Variants in FBXO36 observed in about 807,000 individuals in gnomAD.
The protein encoded by FBXO36 is F-box only protein 36.
In FBXO36, 18 loss-of-function variants were observed where a neutral mutation model predicts 17.0. That is an observed-to-expected ratio of 1.06 (90% CI 0.73 to 1.57). The LOEUF is 1.57. FBXO36 is among the 40% of genes most tolerant of loss of function. The pLI, the probability that FBXO36 is intolerant of heterozygous loss-of-function variation, is 0.00. For missense variants in FBXO36, 229 were observed against 221.9 expected, an observed-to-expected ratio of 1.03 and a Z score of -0.20; for synonymous variants, 83 against 85.3, an observed-to-expected ratio of 0.97 and a Z score of 0.15.
intron 3 of FBXO36, among the ~76,000 whole-genome samples, chr2:230,009,143 CACTT>C (rs2077401832): frequency 6.6e-6 from 1 of 152,130 alleles, no homozygotes; most frequent in South Asian, 2.1e-4. Flanking sequence ...GTAGAGGTCA[CACTT>C]ACACATTTCT....
intron 1 of FBXO36, among the ~76,000 whole-genome samples, chr2:229,948,781 G>A (rs2077040224): frequency 6.6e-6 from 1 of 152,154 alleles, no homozygotes; most frequent in Admixed American, 6.5e-5. Context: ...AAATGGAAAG[G>A]GGCCTGGTTC....
At chr2:229,924,442 G>A (rs2076893305) in intron 1 of FBXO36, among the ~76,000 whole-genome samples, 1 of 152,106 alleles carries the variant, frequency 6.6e-6, no homozygotes, top group Non-Finnish European at 1.5e-5. Context: ...AACATGAGTG[G>A]TCAAAAATAT....
intron 1 of FBXO36, among the ~76,000 whole-genome samples, 181 bp downstream of exon 1, chr2:229,922,790 C>A (rs762786478): frequency 1.3e-5 from 2 of 152,220 alleles, no homozygotes; most frequent in African/African-American, 4.8e-5. Flanking sequence ...CCCGCGTGTC[C>A]CTGCTCTCCC....
chr2:229,972,359 T>C (rs181459670), intron 1 of FBXO36, among the ~76,000 whole-genome samples: 1 of 152,304 alleles, frequency 6.6e-6, no homozygotes, highest in Non-Finnish European at 1.5e-5. Context: ...CAGGTCCGAC[T>C]GAAAGCTGAA....
intron 1 of FBXO36, among the ~76,000 whole-genome samples, chr2:229,968,208 T>C (rs981988062): frequency 1.3e-5 from 2 of 151,452 alleles, no homozygotes; most frequent in African/African-American, 4.8e-5. Context: ...AATATTATAA[T>C]ATTCAATTAA....
intron 1 of FBXO36, among the ~76,000 whole-genome samples, chr2:229,969,823 A>T (rs1044517718): frequency 6.6e-6 from 1 of 152,230 alleles, no homozygotes; most frequent in African/African-American, 2.4e-5. Flanking sequence ...CTGACAGAGG[A>T]TTAGTATTTA....
At chr2:229,990,127 T>A (rs1246865071) in intron 2 of FBXO36, among the ~76,000 whole-genome samples, 1 of 151,822 alleles carries the variant, frequency 6.6e-6, no homozygotes, top group Admixed American at 6.6e-5. Context: ...CTCTCTTAAG[T>A]TCTCTCCATA....
intron 2 of FBXO36, among the ~76,000 whole-genome samples, chr2:229,992,252 G>A: frequency 6.6e-6 from 1 of 151,774 alleles, no homozygotes; most frequent in Non-Finnish European, 1.5e-5. Context: ...CTGCCTCCCG[G>A]GTTCAAGCAA....
Position 230,010,750 on chromosome 2 carries a change from A to G in FBXO36, c.433A>G (p.Ile145Val), listed in dbSNP as rs1316675323. 1 of 1,613,858 alleles carries G rather than the reference A, an allele frequency of 6.2e-7. No homozygotes were observed. Among genetic ancestry groups the G allele is most frequent in the Non-Finnish European group, 8.5e-7 (1 of 1,179,770 alleles). The change falls in exon 4 of 4, where the codon ATC (isoleucine) becomes GTC (valine). Residue 145 changes from isoleucine to valine, a missense_variant. Coordinates refer to ENST00000283946, the MANE Select transcript of FBXO36 (RefSeq NM_174899.5). ...EQIVQSTCDT[I>V]TPDVRALAED... is the part of the protein sequence containing the mutation. ...GATAGTCCAGTCGACCTGCGACACC[A>G]TCACTCCTGACGTGAGGGCCCTGGC...
chr2:229,997,026 C>A, intron 3 of FBXO36, 103 bp downstream of exon 3: 1 of 1,050,142 alleles, frequency 9.5e-7, no homozygotes, highest in Non-Finnish European at 1.4e-6. Context: ...TTGTGATGGA[C>A]ACTGTCTTAG....
intron 1 of FBXO36, among the ~76,000 whole-genome samples, chr2:229,966,401 A>G (rs975727487): frequency 6.6e-6 from 1 of 152,106 alleles, no homozygotes; most frequent in Admixed American, 6.6e-5. Context: ...CCATTTGTCA[A>G]TTTTGGCTTT....
At chr2:229,994,368 TTA>T (rs1182126161) in intron 2 of FBXO36, among the ~76,000 whole-genome samples, 1 of 152,228 alleles carries the variant, frequency 6.6e-6, no homozygotes, top group African/African-American at 2.4e-5. Flanking sequence ...ACTTAAATCC[TTA>T]ATGCCTCTAT....
At chr2:229,937,941 T>G (rs2076973311) in intron 1 of FBXO36, 1 of 152,292 alleles carries the variant, frequency 6.6e-6, no homozygotes, top group Admixed American at 6.6e-5. Context: ...CTTATATGTT[T>G]ATCTGATCAG....
chr2:229,958,319 G>GGAGT (rs771313860), intron 1 of FBXO36, among the ~76,000 whole-genome samples: 2 of 127,546 alleles, frequency 1.6e-5, no homozygotes, highest in East Asian at 4.6e-4. Context: ...CATCCAGGCT[G>GGAGT]GAGTGCAGTG....
At chr2:229,953,156 G>A (rs2077065910) in intron 1 of FBXO36, among the ~76,000 whole-genome samples, 1 of 151,980 alleles carries the variant, frequency 6.6e-6, no homozygotes, top group Admixed American at 6.6e-5. Flanking sequence ...TGGCCAACAC[G>A]GCAAAACCCA....
chr2:229,941,793 GA>G (rs2077000685), intron 1 of FBXO36, among the ~76,000 whole-genome samples: 5 of 152,152 alleles, frequency 3.3e-5, no homozygotes. Flanking sequence ...GAGGCAGGTG[GA>G]TCACTTGAGG....
intron 1 of FBXO36, among the ~76,000 whole-genome samples, chr2:229,924,769 C>CTT (rs796612728): frequency 2.1e-5 from 3 of 145,384 alleles, no homozygotes; most frequent in Admixed American, 6.9e-5. Flanking sequence ...TCTAACTACT[C>CTT]TTTTTTTTTT....
intron 1 of FBXO36, among the ~76,000 whole-genome samples, chr2:229,952,491 C>T (rs1190161384): frequency 6.6e-6 from 1 of 152,186 alleles, no homozygotes; most frequent in Non-Finnish European, 1.5e-5. Context: ...ACTGCTGTTT[C>T]CCATGAGGCA....
intron 1 of FBXO36, chr2:229,933,020 T>TTGCG (rs1389688777): frequency 1.2e-5 from 2 of 165,224 alleles, no homozygotes; most frequent in Non-Finnish European, 2.7e-5. Flanking sequence ...TGAGCTGAGA[T>TTGCG]TGCGCCATTG....
Sources: allele counts gnomAD v4.1 joint callset (sites outside exome capture counted in the v4.1 genomes callset), GRCh38; gene constraint gnomAD v4.1.1; transcripts MANE v1.5; gene names NCBI Gene and HGNC (gene_info 2026-07-23, HGNC 2026-07-21).